The following SRGAP3 variants were observed in gnomAD, a reference collection of about 807,000 sequenced individuals.
The protein encoded by SRGAP3 is SLIT-ROBO Rho GTPase activating protein 3.
In SRGAP3, 39 loss-of-function variants were observed where a neutral mutation model predicts 121.1. That is an observed-to-expected ratio of 0.32 (90% CI 0.25 to 0.42). The LOEUF (loss-of-function observed/expected upper bound fraction) is 0.42, where lower values mean the gene tolerates loss of function less well. SRGAP3 is among the 10% of genes least tolerant of loss of function. The probability of loss-of-function intolerance (pLI) is 1.00; values close to 1 mark genes in which losing one functional copy is unlikely to be tolerated. For missense variants in SRGAP3, 1,213 were observed against 1,470.6 expected (o/e 0.82, Z 2.86); for synonymous variants, 601 against 570.0 (o/e 1.05, Z -0.77).
chr3:9,053,277 ACACCTAAAGTCCCTTTCCCAGCTGT>A (rs1945670076), intron 8 of SRGAP3, 53 bp from the exon 9 acceptor site: 1 of 1,556,800 alleles, frequency 6.4e-7, no homozygotes, highest in Admixed American at 1.8e-5. Flanking sequence ...ACTGCCGTTG[ACACCTAAAGTCCCTTTCCCAGCTGT>A]CACTTTACTT....
At chr3:9,191,469 G>A (rs959656268) in intron 1 of SRGAP3, among the ~76,000 whole-genome samples, 3 of 152,192 alleles carry the variant, frequency 2.0e-5, no homozygotes, top group Non-Finnish European at 4.4e-5. Context: ...ATTACGGCAC[G>A]CATTGACAGT....
intron 1 of SRGAP3, among the ~76,000 whole-genome samples, chr3:9,232,576 A>G (rs979980313): frequency 6.6e-6 from 1 of 152,104 alleles, no homozygotes; most frequent in Admixed American, 6.5e-5. Flanking sequence ...TATTTTTCCC[A>G]CCTCACTCAG....
At chr3:9,199,191 A>C (rs1951997407) in intron 1 of SRGAP3, among the ~76,000 whole-genome samples, 1 of 152,168 alleles carries the variant, frequency 6.6e-6, no homozygotes, top group Non-Finnish European at 1.5e-5. Flanking sequence ...TTAATTCTGC[A>C]TTTGCAATGG....
At chr3:8,995,618 G>A (rs1292167407) in intron 18 of SRGAP3, among the ~76,000 whole-genome samples, 4 of 152,196 alleles carry the variant, frequency 2.6e-5, no homozygotes, top group African/African-American at 7.2e-5. Flanking sequence ...GAGAAGAGAC[G>A]TTGAACTGCA....
In SRGAP3 at chr3:8,985,670, G is replaced by A. The variant is rs1941654277; in HGVS notation, c.3149C>T (p.Ala1050Val). The change falls in exon 22 of 22, where the codon GCC (alanine) becomes GTC (valine). Residue 1050 changes from alanine (A) to valine (V), a missense_variant. Ala to Val is a moderately conservative substitution (Grantham distance 64). Around this residue, in one of 2 missense-constraint regions of SRGAP3, gnomAD observed 420 missense variants for 437.7 expected, o/e 0.96. Coordinates refer to ENST00000383836, the MANE Select transcript of SRGAP3 (RefSeq NM_014850.4). This position sits in a 1 kb window ranked among gnomAD's most constrained non-coding sequence, Gnocchi z 5.1. Reference sequence around the variant, plus strand: ...CCGCATGGGGGGCGGGCGGAGCTGGGCGCCAGCCAGGCGGGCGGACAGGGC... The same window carrying A: ...CCGCATGGGGGGCGGGCGGAGCTGGACGCCAGCCAGGCGGGCGGACAGGGC... ...KPALSARLAG[A>V]QLRPPPMRPV... 6.3e-7 allele frequency: 1 copy of A among 1,596,790 alleles called. No individual in the cohort carries two copies.
chr3:9,325,568 T>A (rs1261632428), intron 3 of SRGAP3, among the ~76,000 whole-genome samples: 1 of 151,948 alleles, frequency 6.6e-6, no homozygotes. Flanking sequence ...AGGAGACATT[T>A]CTAATTATTG....
chr3:9,110,835 G>A (rs1948596505), intron 2 of SRGAP3, among the ~76,000 whole-genome samples: 1 of 152,246 alleles, frequency 6.6e-6, no homozygotes, highest in Admixed American at 6.5e-5. Context: ...ATGGTACCAG[G>A]CAGGCTCTAC....
At chr3:9,202,293 G>A (rs1378781216) in intron 1 of SRGAP3, among the ~76,000 whole-genome samples, 2 of 152,168 alleles carry the variant, frequency 1.3e-5, no homozygotes, top group African/African-American at 2.4e-5. Flanking sequence ...AGGAAGAGTG[G>A]TATTAGTGCC....
intron 14 of SRGAP3, among the ~76,000 whole-genome samples, chr3:9,021,198 G>A (rs35127531): frequency 0.21 from 31,933 of 152,174 alleles, 3,502 homozygotes; most frequent in Non-Finnish European, 0.25. Flanking sequence ...TAGAGCCTAC[G>A]TGGCATGGCT....
intron 1 of SRGAP3, among the ~76,000 whole-genome samples, chr3:9,224,114 T>C (rs2125205490): frequency 6.6e-6 from 1 of 152,226 alleles, no homozygotes; most frequent in East Asian, 1.9e-4. Flanking sequence ...GCATACACCA[T>C]GCCCGCAGCC....
intron 1 of SRGAP3, chr3:9,348,990 C>A: frequency 1.1e-6 from 1 of 922,900 alleles, no homozygotes; most frequent in South Asian, 1.3e-5. Flanking sequence ...CTAATTGCAG[C>A]CCATGGCAAC....
chr3:9,339,447 T>C (rs1355426083), intron 1 of SRGAP3, among the ~76,000 whole-genome samples: 2 of 152,204 alleles, frequency 1.3e-5, no homozygotes, highest in African/African-American at 2.4e-5. Flanking sequence ...TAAACACTAG[T>C]TCCTTTCTTT....
intron 2 of SRGAP3, among the ~76,000 whole-genome samples, chr3:9,111,468 T>C (rs1488374799): frequency 1.3e-5 from 2 of 151,976 alleles, no homozygotes; most frequent in Non-Finnish European, 2.9e-5. Flanking sequence ...AGGAACTAAG[T>C]AAAGAACAGC....
intron 10 of SRGAP3, among the ~76,000 whole-genome samples, chr3:9,043,898 C>A (rs1484840870): frequency 6.6e-6 from 1 of 151,960 alleles, no homozygotes; most frequent in African/African-American, 2.4e-5. Flanking sequence ...GAGTGTAAAC[C>A]CTGGAGCTTA....
intron 4 of SRGAP3, among the ~76,000 whole-genome samples, chr3:9,066,522 A>G (rs1375774485): frequency 6.6e-6 from 1 of 152,174 alleles, no homozygotes; most frequent in East Asian, 1.9e-4. Context: ...TTTTTGAGAC[A>G]GAGTTTCACT....
chr3:8,997,101 A>G (rs1942453730), intron 18 of SRGAP3, among the ~76,000 whole-genome samples: 1 of 152,216 alleles, frequency 6.6e-6, no homozygotes, highest in Non-Finnish European at 1.5e-5. Context: ...TGTGTGGTGG[A>G]AACAGTAATA....
chr3:8,981,126 G>A lies in SRGAP3; in HGVS notation c.*4393C>T, dbSNP rs1941398967. On this transcript the variant is annotated 3_prime_UTR_variant, in exon 22 of 22. Coordinates refer to ENST00000383836, the MANE Select transcript of SRGAP3 (RefSeq NM_014850.4). Reference sequence around the variant, plus strand: ...GGCAGATCAATCTCAGGGAGGTCAGGAGGGCTTGGACCTGACAGCAAAGTC... The same window carrying A: ...GGCAGATCAATCTCAGGGAGGTCAGAAGGGCTTGGACCTGACAGCAAAGTC... 2 of 233,264 alleles carry A rather than the reference G, an allele frequency of 8.6e-6. No individual in the cohort carries two copies. The highest frequency in any genetic ancestry group is 4.4e-5 in the African/African-American group (2 of 45,450). The allele number at this position is 233,264 out of a possible 1,614,324, so 14.4% of individuals were successfully genotyped here.
intron 1 of SRGAP3, among the ~76,000 whole-genome samples, chr3:9,215,925 T>C (rs1952601827): frequency 6.6e-6 from 1 of 152,210 alleles, no homozygotes; most frequent in African/African-American, 2.4e-5. Flanking sequence ...AGCTTGTAGA[T>C]GGCCTAGCAT....
chr3:9,272,833 T>C (rs1249534630), intron 3 of SRGAP3, among the ~76,000 whole-genome samples: 1 of 152,194 alleles, frequency 6.6e-6, no homozygotes, highest in Admixed American at 6.5e-5. Flanking sequence ...TTAAGTACTT[T>C]TTTCCACAGT....
Sources: allele counts gnomAD v4.1 joint callset (sites outside exome capture counted in the v4.1 genomes callset), GRCh38; gene constraint gnomAD v4.1.1; regional missense constraint gnomAD v4.1.1; non-coding constraint Gnocchi (gnomAD v3.1); transcripts MANE v1.5; gene names NCBI Gene and HGNC (gene_info 2026-07-23, HGNC 2026-07-21).